Variants in RBCK1 observed in about 807,000 individuals in gnomAD.
RBCK1 encodes the protein ranBP-type and C3HC4-type zinc finger-containing protein 1.
Under a neutral mutation model 71.1 loss-of-function variants are expected in RBCK1, and 44 were observed. That is an observed-to-expected ratio of 0.62 (90% CI 0.49 to 0.80). RBCK1 has a LOEUF of 0.80. Ranked by LOEUF, RBCK1 falls within the 30% of genes least tolerant of loss-of-function variation. The probability of loss-of-function intolerance (pLI) is 0.00; values close to 1 mark genes in which losing one functional copy is unlikely to be tolerated. For synonymous variants in RBCK1, 306 were observed against 279.7 expected (o/e 1.09, Z -0.94); for missense variants, 569 against 685.0 (o/e 0.83, Z 1.89).
In RBCK1 at chr20:419,456, T is replaced by G. The variant is rs964627685; in HGVS notation, c.570T>G (p.Pro190=). 10 of 1,607,136 alleles carry G rather than the reference T, an allele frequency of 6.2e-6. No homozygotes were observed. The highest frequency in any genetic ancestry group is 1.3e-5 in the African/African-American group (1 of 74,756). ...EPGRGQPDAV[P]EPPPVGWQCP... Reference sequence around the variant, plus strand: ...GACGGGGGCAGCCAGATGCAGTGCCTGAGCCCCCACCGGTAAGCTGTCCTT... The same window carrying G: ...GACGGGGGCAGCCAGATGCAGTGCCGGAGCCCCCACCGGTAAGCTGTCCTT... Residue 190 remains proline, a synonymous_variant, in exon 5 of 12, where the codon CCT becomes CCG. Coordinates refer to ENST00000356286, the MANE Select transcript of RBCK1 (RefSeq NM_031229.4).
intron 4 of RBCK1, among the ~76,000 whole-genome samples, chr20:418,747 A>G (rs1251390931): frequency 6.6e-6 from 1 of 152,196 alleles, no homozygotes; most frequent in Admixed American, 6.6e-5. Context: ...AGTTGCAGAC[A>G]TGATGTCTCT....
chr20:423,764 G>A (rs761771581), intron 8 of RBCK1, among the ~76,000 whole-genome samples: 8 of 152,148 alleles, frequency 5.3e-5, no homozygotes, highest in Non-Finnish European at 8.8e-5. Context: ...GGACTTACCT[G>A]GATGGTTCTT....
chr20:415,693 G>A (rs771854201), intron 2 of RBCK1, among the ~76,000 whole-genome samples: 2 of 152,002 alleles, frequency 1.3e-5, no homozygotes, highest in Non-Finnish European at 1.5e-5. Context: ...GACCACTCTA[G>A]CATTGCTACA....
chr20:414,535 C>T (rs1000199903), intron 2 of RBCK1, among the ~76,000 whole-genome samples: 3 of 152,184 alleles, frequency 2.0e-5, no homozygotes, highest in Non-Finnish European at 1.5e-5. Flanking sequence ...TGTTCACCAG[C>T]GATCCTGATG....
At chr20:425,507 G>A (rs2016661194) in intron 8 of RBCK1, among the ~76,000 whole-genome samples, 1 of 151,888 alleles carries the variant, frequency 6.6e-6, no homozygotes, top group Non-Finnish European at 1.5e-5. Flanking sequence ...TTGTTATTTT[G>A]CTATAGAATT....
Position 432,103 on chromosome 20 carries a change from C to T in RBCK1, c.*1673C>T, listed in dbSNP as rs2017031037. 6.6e-6 allele frequency among the ~76,000 whole-genome samples: 1 copy of T among 152,188 alleles called. No individual in the cohort carries two copies. Among genetic ancestry groups the T allele is most frequent in the Non-Finnish European group, 1.5e-5 (1 of 68,034 alleles). On this transcript the variant is annotated 3_prime_UTR_variant, in exon 12 of 12. Transcript: ENST00000356286. This position sits in a 1 kb window ranked among gnomAD's most constrained non-coding sequence, Gnocchi z 4.3. ...CTTTTTAAATTGGCAACATCGTTTACCACATTAAAATCTAGATGCCCTGCT... is the reference window on the plus strand; with the variant it reads ...CTTTTTAAATTGGCAACATCGTTTATCACATTAAAATCTAGATGCCCTGCT...
At chr20:413,991 G>T (rs2015852755) in intron 2 of RBCK1, among the ~76,000 whole-genome samples, 1 of 151,696 alleles carries the variant, frequency 6.6e-6, no homozygotes, top group African/African-American at 2.4e-5. Context: ...ATCCAGAAGG[G>T]CTCTGTGCTC....
rs1273262609 is a variant in RBCK1 at position 421,020 on chromosome 20, C to T, written c.906C>T (p.His302=). Residue 302 remains histidine, a synonymous_variant, in exon 7 of 12, where the codon CAC becomes CAT. Transcript: ENST00000356286. ...GEAVVLRECL[H]TFCRECLQGT... is the part of the protein sequence containing the mutation. ...CCGTGGTGCTGCGTGAGTGTCTGCA[C>T]ACCTTCTGCAGGTGCGGCCCCCAGT... 3.2e-6 allele frequency: 5 copies of T among 1,558,244 alleles called. No individual in the cohort carries two copies. Among genetic ancestry groups the T allele is most frequent in the Admixed American group, 1.9e-5 (1 of 54,038 alleles).
chr20:425,553 T>C (rs969320833), intron 8 of RBCK1, among the ~76,000 whole-genome samples: 3 of 152,214 alleles, frequency 2.0e-5, no homozygotes, highest in African/African-American at 7.2e-5. Context: ...ATAGCACATA[T>C]ACTGTTTATA....
chr20:412,352 G>C (rs778573818), intron 2 of RBCK1, among the ~76,000 whole-genome samples: 2 of 148,474 alleles, frequency 1.3e-5, no homozygotes, highest in African/African-American at 5.0e-5. Flanking sequence ...ATGGAGTCTC[G>C]CTCTGTCACC....
At chr20:421,813 G>C in intron 7 of RBCK1, 1 of 340,832 alleles carries the variant, frequency 2.9e-6, no homozygotes, top group Non-Finnish European at 5.5e-6. Flanking sequence ...GAGTCACTGG[G>C]GAGACATGGC....
intron 6 of RBCK1, 101 bp downstream of exon 6, chr20:419,832 C>T: frequency 6.9e-7 from 1 of 1,452,732 alleles, no homozygotes; most frequent in Non-Finnish European, 9.1e-7. Flanking sequence ...TCCGTTACTG[C>T]CTTGCCCCTC....
chr20:420,586 G>A (rs1600295770), intron 6 of RBCK1: 1 of 963,528 alleles, frequency 1.0e-6, no homozygotes. Flanking sequence ...TGGCTACCTG[G>A]CCGGCCTCCC....
intron 1 of RBCK1, 149 bp downstream of exon 1, chr20:408,928 A>G (rs954053274): frequency 9.9e-7 from 1 of 1,008,304 alleles, no homozygotes; most frequent in Non-Finnish European, 1.4e-6. Context: ...CTCCTTTGGT[A>G]CCTGCTGGCT....
chr20:409,822 A>G (rs968851472), intron 1 of RBCK1, 59 bp from the exon 2 acceptor site: 3 of 1,575,474 alleles, frequency 1.9e-6, no homozygotes, highest in Non-Finnish European at 2.6e-6. Flanking sequence ...CTACCCCATT[A>G]CTCTCAGCTC....
chr20:419,104 A>T (rs1426019745), intron 4 of RBCK1, among the ~76,000 whole-genome samples: 1 of 152,174 alleles, frequency 6.6e-6, no homozygotes, highest in African/African-American at 2.4e-5. Context: ...GGAGGCACGG[A>T]AGGGCTGGTG....
intron 2 of RBCK1, among the ~76,000 whole-genome samples, chr20:411,580 G>A (rs1369428357): frequency 1.3e-5 from 2 of 151,844 alleles, no homozygotes; most frequent in Non-Finnish European, 2.9e-5. Flanking sequence ...TGTTAACCAG[G>A]ATGGTCTCCA....
intron 8 of RBCK1, among the ~76,000 whole-genome samples, chr20:425,626 C>T (rs6051935): frequency 0.095 from 11,651 of 123,096 alleles, 669 homozygotes; most frequent in African/African-American, 0.18. Context: ...ATGGTGTATT[C>T]TTTTTTTTTT....
In RBCK1 at chr20:430,178, C is replaced by T. The variant is rs1275739130; in HGVS notation, c.1453-172C>T. 6.6e-6 allele frequency among the ~76,000 whole-genome samples: 1 copy of T among 152,224 alleles called. No individual in the cohort carries two copies. Among genetic ancestry groups the T allele is most frequent in the Non-Finnish European group, 1.5e-5 (1 of 68,036 alleles). On this transcript the variant is annotated intron_variant, in intron 11 of 11. Coordinates refer to ENST00000356286, the MANE Select transcript of RBCK1 (RefSeq NM_031229.4). This position sits in a 1 kb window ranked among gnomAD's most constrained non-coding sequence, Gnocchi z 5.6. ...GATCTAGGCGTGGGTAGACTGAGTG[C>T]TGTGGGAGCCCAGAAAAGGCCTCAG...
Sources: allele counts gnomAD v4.1 joint callset (sites outside exome capture counted in the v4.1 genomes callset), GRCh38; gene constraint gnomAD v4.1.1; non-coding constraint Gnocchi (gnomAD v3.1); transcripts MANE v1.5; gene names NCBI Gene and HGNC (gene_info 2026-07-23, HGNC 2026-07-21).